LRCH1: variants seen among roughly 807,000 people sequenced by gnomAD.
LRCH1 encodes leucine rich repeats and calponin homology domain containing 1.
LRCH1 carries 23 observed loss-of-function variants against 94.9 expected under a neutral mutation model. That is an observed-to-expected ratio of 0.24 (90% CI 0.17 to 0.34). LRCH1 has a LOEUF of 0.34. Among genes scored for constraint, LRCH1 ranks in the 10% least tolerant of loss-of-function variants. The pLI is 1.00. For missense variants in LRCH1, 790 were observed against 945.9 expected (o/e 0.84, Z 2.16); for synonymous variants, 364 against 354.9 (o/e 1.03, Z -0.29).
chr13:46,625,232 CTTCTA>C (rs1194371296), intron 1 of LRCH1, among the ~76,000 whole-genome samples: 2 of 152,238 alleles, frequency 1.3e-5, no homozygotes, highest in African/African-American at 4.8e-5. Flanking sequence ...CTTCCATACT[CTTCTA>C]TTATCTTCTG....
chr13:46,578,762 G>A (rs1254203279), intron 1 of LRCH1, among the ~76,000 whole-genome samples: 1 of 152,060 alleles, frequency 6.6e-6, no homozygotes, highest in Non-Finnish European at 1.5e-5. Context: ...TGCTTACATC[G>A]TGGGAGGGGG....
rs2138255621 is a variant in LRCH1 at position 46,743,943 on chromosome 13, TTGTC to T, written c.*2099_*2102del. On this transcript the variant is annotated 3_prime_UTR_variant, in exon 20 of 20. Coordinates refer to ENST00000389797, the MANE Select transcript of LRCH1 (RefSeq NM_001164211.2). ...CTTTGATTTTTTTTGTGTCATTAAT[TTGTC>T]TGTACTCTGCTGCGCTGCACTTCTT... 1.0e-6 allele frequency: 1 copy of T among 985,398 alleles called. No homozygotes were observed. 61.0% of individuals were successfully genotyped at this position (985,398 alleles called of 1,614,324 possible).
At chr13:46,731,245 C>CT (rs1357318973) in intron 18 of LRCH1, among the ~76,000 whole-genome samples, 1 of 149,100 alleles carries the variant, frequency 6.7e-6, no homozygotes, top group Non-Finnish European at 1.5e-5. Flanking sequence ...TTAAAATTCT[C>CT]TTTTTTTTCT....
In LRCH1 at chr13:46,652,395, G is replaced by GTTT. The variant is rs57803401; in HGVS notation, c.452+2059_452+2061dup. On this transcript the variant is annotated intron_variant, in intron 2 of 19. Coordinates refer to ENST00000389797, the MANE Select transcript of LRCH1 (RefSeq NM_001164211.2). ...CTGGCCAAGTGTATTTGTTTTTTTT[G>GTTT]TTTTTTTTTTTGTCAGGGTTGAAAA... Among the ~76,000 whole-genome samples the GTTT allele has an allele frequency of 1.0e-3, 150 of 146,638 alleles. 1 individual carries two copies. The highest frequency in any genetic ancestry group is 2.5e-3 in the African/African-American group (100 of 39,904).
chr13:46,679,226 T>C (rs1175442044), intron 3 of LRCH1, among the ~76,000 whole-genome samples: 1 of 152,240 alleles, frequency 6.6e-6, no homozygotes, highest in Non-Finnish European at 1.5e-5. Flanking sequence ...ATGAGTTCCA[T>C]AGAAGGATTT....
Position 46,565,812 on chromosome 13 carries a change from A to AAATAATAATAATAATAATAAT in LRCH1, c.307+12128_307+12148dup, listed in dbSNP as rs3068690. Reference sequence around the variant, plus strand: ...GTGACAGAATGAGACTCTGTCTCCAAAATAATAATAATAATAATAATAATA... The same window carrying AAATAATAATAATAATAATAAT: ...GTGACAGAATGAGACTCTGTCTCCAAAATAATAATAATAATAATAATAATAATAATAATAATAATAATAATA... On this transcript the variant is annotated intron_variant, in intron 1 of 19. Coordinates refer to ENST00000389797, the MANE Select transcript of LRCH1 (RefSeq NM_001164211.2). Among the ~76,000 whole-genome samples, 3 of 140,146 alleles carry AAATAATAATAATAATAATAAT rather than the reference A, an allele frequency of 2.1e-5. No homozygotes were observed. In the Admixed American group the frequency reaches 2.2e-4, roughly 10 times the overall value. The allele number at this position is 140,146 out of a possible 152,430, so 91.9% of individuals were successfully genotyped here.
In LRCH1 at chr13:46,553,251, C is replaced by T. The variant is rs1003768551; in HGVS notation, c.-146C>T. The stretch of plus-strand genomic sequence containing the variant: ...CTCCCCGCCCGCCCCCCATTCTACG[C>T]GCCTGCCCACACCCTCCTCCCCTCC... On this transcript the variant is annotated 5_prime_UTR_variant, in exon 1 of 20. Transcript: ENST00000389797. 1.6e-6 allele frequency: 1 copy of T among 607,944 alleles called. No homozygotes were observed. The highest frequency in any genetic ancestry group is 2.8e-6 in the Non-Finnish European group (1 of 352,456). The allele number at this position is 607,944 out of a possible 1,614,324, so 37.7% of individuals were successfully genotyped here.
In LRCH1 at chr13:46,658,553, C is replaced by T. The variant is rs566876411; in HGVS notation, c.452+8208C>T. Among the ~76,000 whole-genome samples the T allele has an allele frequency of 2.3e-3, 347 of 152,316 alleles. 4 individuals carry two copies. The highest frequency in any genetic ancestry group is 7.8e-3 in the African/African-American group (326 of 41,558). Reference sequence around the variant, plus strand: ...GGAGTGCAGTGGTGCAATTACGGCTCACCACAGCCTTGACTTCCAAGGCTT... The same window carrying T: ...GGAGTGCAGTGGTGCAATTACGGCTTACCACAGCCTTGACTTCCAAGGCTT... On this transcript the variant is annotated intron_variant, in intron 2 of 19. Coordinates refer to ENST00000389797, the MANE Select transcript of LRCH1 (RefSeq NM_001164211.2).
At chr13:46,573,705 T>G (rs1221854256) in intron 1 of LRCH1, among the ~76,000 whole-genome samples, 1 of 150,150 alleles carries the variant, frequency 6.7e-6, no homozygotes, top group African/African-American at 2.4e-5. Flanking sequence ...GACATAGACA[T>G]AGAGAGTAGA....
At position 46,750,846 on chromosome 13, in the gene LRCH1, G is replaced by A. The variant is rs763109075; in HGVS notation, c.*196G>A. 191 of 437,586 alleles carry A rather than the reference G, an allele frequency of 4.4e-4. 1 individual carries two copies. The highest frequency in any genetic ancestry group is 1.1e-3 in the Middle Eastern group (2 of 1,822). 27.1% of individuals were successfully genotyped at this position (437,586 alleles called of 1,614,324 possible). A position where few individuals can be genotyped will look rare whatever the true frequency, so the allele number is the denominator to read the frequency against. On this transcript the variant is annotated 3_prime_UTR_variant, in exon 19 of 19. Transcript: ENST00000311191. ...GACCTCCGACTTTAAGACTTGACAG[G>A]TATTTATCTTGAAACCAGAGAGGGA...
intron 1 of LRCH1, among the ~76,000 whole-genome samples, chr13:46,647,328 A>G (rs2051234878): frequency 6.6e-6 from 1 of 152,152 alleles, no homozygotes; most frequent in Admixed American, 6.5e-5. Flanking sequence ...TAGATGAAAA[A>G]TACTATCCCA....
intron 1 of LRCH1, among the ~76,000 whole-genome samples, chr13:46,602,676 T>C (rs2050640285): frequency 6.6e-6 from 1 of 152,144 alleles, no homozygotes; most frequent in Non-Finnish European, 1.5e-5. Flanking sequence ...AAATGGAGGC[T>C]GGGTACAGGC....
intron 1 of LRCH1, among the ~76,000 whole-genome samples, chr13:46,632,247 T>C (rs1224541543): frequency 6.6e-6 from 1 of 151,898 alleles, no homozygotes; most frequent in Non-Finnish European, 1.5e-5. Context: ...CTTGATGACT[T>C]GATGTGTACA....
At chr13:46,747,419 A>G (rs1873953022), downstream of LRCH1, among the ~76,000 whole-genome samples, 1 of 152,170 alleles carries the variant, frequency 6.6e-6, no homozygotes. Context: ...GCCACTGCTC[A>G]TCAGGCCCTG....
At chr13:46,620,593 C>T (rs566411633) in intron 1 of LRCH1, among the ~76,000 whole-genome samples, 7 of 152,218 alleles carry the variant, frequency 4.6e-5, no homozygotes, top group African/African-American at 7.2e-5. Context: ...TTAATCAGAA[C>T]GGGAGCCATG....
At chr13:46,675,395 A>C (rs1165147959) in intron 3 of LRCH1, among the ~76,000 whole-genome samples, 1 of 152,140 alleles carries the variant, frequency 6.6e-6, no homozygotes, top group Non-Finnish European at 1.5e-5. Context: ...GCAGTGTGTG[A>C]AAATCATGTC....
intron 1 of LRCH1, among the ~76,000 whole-genome samples, chr13:46,648,399 T>C (rs2051250161): frequency 6.6e-6 from 1 of 152,262 alleles, no homozygotes; most frequent in Non-Finnish European, 1.5e-5. Flanking sequence ...GATTTCCATA[T>C]GTATGTCTCT....
intron 1 of LRCH1, among the ~76,000 whole-genome samples, chr13:46,567,127 C>T (rs915496034): frequency 3.9e-5 from 6 of 152,158 alleles, no homozygotes; most frequent in African/African-American, 1.2e-4. Context: ...TTTACTTTCC[C>T]TCCAGTGAGA....
Position 46,688,093 on chromosome 13 carries a change from CAA to C in LRCH1, c.950+116_950+117del, listed in dbSNP as rs542269172. 4.3e-5 allele frequency: 44 copies of C among 1,033,316 alleles called. No individual in the cohort carries two copies. The African/African-American group carries it at 7.0e-4, about 16-fold the overall frequency. The allele number at this position is 1,033,316 out of a possible 1,614,324, so 64.0% of individuals were successfully genotyped here. A position where few individuals can be genotyped will look rare whatever the true frequency, so the allele number is the denominator to read the frequency against. ...AAGTCACCATGGTATCTGCAGAAAA[CAA>C]AGCAAAACAGAACAATTTGGTTTAA... On this transcript the variant is annotated intron_variant, in intron 6 of 19. Transcript: ENST00000389797.
Sources: gnomAD v4.1 joint callset for allele counts (sites outside exome capture counted in the v4.1 genomes callset) on GRCh38, gnomAD v4.1.1 for gene constraint, MANE v1.5 for transcripts, NCBI Gene and HGNC (gene_info 2026-07-23, HGNC 2026-07-21) for gene names.